NPY2R: variants seen among roughly 807,000 people sequenced by gnomAD.
NPY2R encodes the protein neuropeptide Y receptor Y2, also known as neuropeptide Y receptor type 2.
Under a neutral mutation model 22.3 loss-of-function variants are expected in NPY2R, and 17 were observed. The ratio of observed to expected loss-of-function variants is 0.76; its 90% confidence interval spans 0.52 to 1.14. NPY2R has a LOEUF of 1.14. Ranked by LOEUF, NPY2R falls within the 50% of genes most tolerant of loss-of-function variation. The probability of loss-of-function intolerance (pLI) is 0.00; values close to 1 mark genes in which losing one functional copy is unlikely to be tolerated. For missense variants in NPY2R, 424 were observed against 467.9 expected, an observed-to-expected ratio of 0.91 and a Z score of 0.87; for synonymous variants, 209 against 183.4, an observed-to-expected ratio of 1.14 and a Z score of -1.13.
At chr4:155,194,834 C>G in the NPY2R span, among the ~76,000 whole-genome samples, 1 of 151,910 alleles carries the variant, frequency 6.6e-6, no homozygotes, top group African/African-American at 2.4e-5. Context: ...GTGGCTGAAT[C>G]AATTTACATT....
chr4:155,174,484 A>ATATATATATATATAT, the NPY2R span, among the ~76,000 whole-genome samples: 24 of 106,070 alleles, frequency 2.3e-4, no homozygotes, highest in African/African-American at 6.8e-4. Flanking sequence ...ATATATATAT[A>ATATATATATATATAT]TTTTTTTTTT....
At chr4:155,213,314 T>C (rs997167860) in intron 1 of NPY2R, among the ~76,000 whole-genome samples, 6 of 152,200 alleles carry the variant, frequency 3.9e-5, no homozygotes, top group Non-Finnish European at 8.8e-5. Flanking sequence ...CTTCTATATA[T>C]TTTAATACTA....
At chr4:155,207,182 C>T (rs1729298917), upstream of NPY2R, 1 of 152,132 alleles carries the variant, frequency 6.6e-6, no homozygotes, top group South Asian at 2.1e-4. Flanking sequence ...TGTAAAAATG[C>T]CTTACAAATG....
At chr4:155,198,181 G>T in the NPY2R span, among the ~76,000 whole-genome samples, 1 of 151,850 alleles carries the variant, frequency 6.6e-6, no homozygotes, top group South Asian at 2.1e-4. Context: ...CCTCTAAAAT[G>T]TCAAATACCC....
the NPY2R span, among the ~76,000 whole-genome samples, chr4:155,175,364 G>A: frequency 2.6e-5 from 4 of 152,056 alleles, no homozygotes; most frequent in Admixed American, 6.6e-5. Flanking sequence ...AAATAAGGTC[G>A]ACTTACCTGA....
the NPY2R span, among the ~76,000 whole-genome samples, chr4:155,198,976 G>A: frequency 1.3e-5 from 2 of 151,900 alleles, no homozygotes; most frequent in East Asian, 1.9e-4. Context: ...GTTTTAACAA[G>A]CTTAAATACC....
chr4:155,177,016 G>T, the NPY2R span, among the ~76,000 whole-genome samples: 3 of 152,136 alleles, frequency 2.0e-5, no homozygotes, highest in South Asian at 6.2e-4. Context: ...CACCAGAAGA[G>T]AAATTAAGTG....
chr4:155,200,830 A>T, the NPY2R span, among the ~76,000 whole-genome samples: 3 of 152,060 alleles, frequency 2.0e-5, no homozygotes, highest in African/African-American at 7.2e-5. Flanking sequence ...AGGGAGGGGA[A>T]CAACACACAC....
the NPY2R span, among the ~76,000 whole-genome samples, chr4:155,183,564 C>T: frequency 8.5e-4 from 129 of 152,196 alleles, no homozygotes; most frequent in African/African-American, 2.9e-3. Context: ...CATGGATCTA[C>T]ATACATTTAT....
At chr4:155,185,517 T>C in the NPY2R span, among the ~76,000 whole-genome samples, 1 of 152,140 alleles carries the variant, frequency 6.6e-6, no homozygotes, top group Non-Finnish European at 1.5e-5. Context: ...TTTCTCCCCA[T>C]AAAGTTCTTA....
In NPY2R at chr4:155,216,545, A is replaced by G. The variant is rs1729521001; in HGVS notation, c.*1460A>G. 6.0e-6 allele frequency: 1 copy of G among 166,582 alleles called. No homozygotes were observed. The highest frequency in any genetic ancestry group is 2.4e-5 in the African/African-American group (1 of 41,462). The allele number at this position is 166,582 out of a possible 1,614,324, so 10.3% of individuals were successfully genotyped here. ...AAAAACTTCAACATGCATATGATAT[A>G]TAGTTACAACATTAATTTTATGAAC... On this transcript the variant is annotated 3_prime_UTR_variant, in exon 2 of 2. Coordinates refer to ENST00000329476, the MANE Select transcript of NPY2R (RefSeq NM_000910.4).
upstream of NPY2R, chr4:155,208,400 A>G (rs1729326070): frequency 6.6e-6 from 1 of 152,306 alleles, no homozygotes; most frequent in Non-Finnish European, 1.5e-5. This position sits in a 1 kb window ranked among gnomAD's most constrained non-coding sequence, Gnocchi z 5.6. Context: ...GTCGGCCTCA[A>G]GTCCAGGAGG....
chr4:155,191,881 A>C, the NPY2R span, among the ~76,000 whole-genome samples: 1 of 151,894 alleles, frequency 6.6e-6, no homozygotes, highest in Non-Finnish European at 1.5e-5. Flanking sequence ...GTCACATACT[A>C]CATACTCCAT....
chr4:155,212,095 T>C (rs550793342), intron 1 of NPY2R, among the ~76,000 whole-genome samples: 13 of 152,280 alleles, frequency 8.5e-5, no homozygotes, highest in Non-Finnish European at 1.2e-4. Flanking sequence ...GGGGGGCACA[T>C]AGGCCCAGCC....
At chr4:155,177,308 A>G in the NPY2R span, among the ~76,000 whole-genome samples, 1 of 152,328 alleles carries the variant, frequency 6.6e-6, no homozygotes, top group South Asian at 2.1e-4. Context: ...CTCCCAAAAT[A>G]CAAATAGCTA....
upstream of NPY2R, chr4:155,207,139 C>A (rs1729298337): frequency 6.6e-6 from 1 of 152,120 alleles, no homozygotes; most frequent in Non-Finnish European, 1.5e-5. Flanking sequence ...GGGCATAATT[C>A]TATATTAACT....
chr4:155,207,948 C>T (rs1729315664), upstream of NPY2R: 1 of 152,314 alleles, frequency 6.6e-6, no homozygotes, highest in Non-Finnish European at 1.5e-5. Flanking sequence ...ATCTGCACTA[C>T]TCAACTTATA....
intron 1 of NPY2R, among the ~76,000 whole-genome samples, chr4:155,210,110 G>C (rs898211748): frequency 6.6e-6 from 1 of 152,130 alleles, no homozygotes; most frequent in African/African-American, 2.4e-5. Flanking sequence ...TCAAAGAAAG[G>C]TTATTCCCTT....
upstream of NPY2R, chr4:155,208,177 C>T (rs1171438832): frequency 6.6e-6 from 1 of 152,230 alleles, no homozygotes; most frequent in Non-Finnish European, 1.5e-5. The surrounding 1 kb of genome is among the most constrained non-coding windows in gnomAD (Gnocchi z 5.6). Flanking sequence ...ATCTCTGCTC[C>T]TACACACACA....
Sources: allele counts gnomAD v4.1 joint callset (sites outside exome capture counted in the v4.1 genomes callset), GRCh38; gene constraint gnomAD v4.1.1; non-coding constraint Gnocchi (gnomAD v3.1); transcripts MANE v1.5; gene names NCBI Gene and HGNC (gene_info 2026-07-23, HGNC 2026-07-21).